SLC66A1: variants seen among roughly 807,000 people sequenced by gnomAD.
SLC66A1 encodes lysosomal amino acid transporter 1 homolog.
In SLC66A1, 23 loss-of-function variants were observed where a neutral mutation model predicts 33.0. The observed-to-expected ratio is 0.70, with a 90% CI of 0.50 to 0.99. The LOEUF (loss-of-function observed/expected upper bound fraction) is 0.99, where lower values mean the gene tolerates loss of function less well. Ranked by LOEUF, SLC66A1 falls within the 50% of genes least tolerant of loss-of-function variation. The probability of loss-of-function intolerance (pLI) is 0.00; values close to 1 mark genes in which losing one functional copy is unlikely to be tolerated. For synonymous variants in SLC66A1, 164 were observed against 175.5 expected, an observed-to-expected ratio of 0.93 and a Z score of 0.52; for missense variants, 335 against 383.6, an observed-to-expected ratio of 0.87 and a Z score of 1.06.
intron 1 of SLC66A1, among the ~76,000 whole-genome samples, chr1:19,316,240 GAGAAT>G (rs1264230148): frequency 6.6e-6 from 1 of 152,188 alleles, no homozygotes; most frequent in Non-Finnish European, 1.5e-5. Flanking sequence ...GAGCTCCTGG[GAGAAT>G]ACAGGCTGCA....
At chr1:19,327,525 A>ATCCATCCCTCCC in intron 7 of SLC66A1, 113 bp downstream of exon 7, 1 of 613,954 alleles carries the variant, frequency 1.6e-6, no homozygotes, top group Non-Finnish European at 2.5e-6. Context: ...CCGTCCATCC[A>ATCCATCCCTCCC]TCCATCCCTC....
chr1:19,326,802 A>G (rs1002777887), intron 6 of SLC66A1, among the ~76,000 whole-genome samples, 179 bp downstream of exon 6: 1 of 152,064 alleles, frequency 6.6e-6, no homozygotes, highest in Non-Finnish European at 1.5e-5. Context: ...TGCTTCTGGA[A>G]AATGGGCGTG....
At chr1:19,319,672 G>T (rs968730150) in intron 2 of SLC66A1, among the ~76,000 whole-genome samples, 1 of 147,596 alleles carries the variant, frequency 6.8e-6, no homozygotes, top group African/African-American at 2.6e-5. Context: ...GGAGGCTAAG[G>T]CGGGCAGATC....
chr1:19,330,629 G>A (rs181865087), downstream of SLC66A1, among the ~76,000 whole-genome samples: 1 of 152,320 alleles, frequency 6.6e-6, no homozygotes, highest in Admixed American at 6.5e-5. Context: ...GGCAGTTCAG[G>A]AAAAGGGAGG....
At chr1:19,317,929 T>C in intron 2 of SLC66A1, 88 bp downstream of exon 2, 1 of 1,536,334 alleles carries the variant, frequency 6.5e-7, no homozygotes, top group Non-Finnish European at 8.8e-7. Context: ...GGTTGTCTGG[T>C]GGGCCACGGG....
Position 19,324,676 on chromosome 1 carries a change from C to T in SLC66A1, c.208C>T (p.Leu70=). The T allele has an allele frequency of 6.2e-7, 1 of 1,614,226 alleles. No individual in the cohort carries two copies. Among genetic ancestry groups the T allele is most frequent in the Non-Finnish European group, 8.5e-7 (1 of 1,180,004 alleles). ...AYKTGNMDQA[L]SLWFLLGWIG... is the part of the protein sequence containing the mutation. Reference sequence around the variant, plus strand: ...CAAGACGGGCAACATGGACCAGGCGCTGTCCCTGTGGTTCCTCCTGGGCTG... The same window carrying T: ...CAAGACGGGCAACATGGACCAGGCGTTGTCCCTGTGGTTCCTCCTGGGCTG... Residue 70 remains leucine (L), a synonymous_variant, in exon 3 of 8, where the codon CTG becomes TTG. Coordinates refer to ENST00000375153, the MANE Select transcript of SLC66A1 (RefSeq NM_001040125.2).
Position 19,324,762 on chromosome 1 carries a change from G to T in SLC66A1, c.294G>T (p.Gln98His). 1 of 1,614,032 alleles carries T rather than the reference G, an allele frequency of 6.2e-7. No homozygotes were observed. The highest frequency in any genetic ancestry group is 1.1e-5 in the South Asian group (1 of 91,074). ...TCCTTGCTGACCAGCTGCCCCTGCA[G>T]GTGGGCCGGTACCCGGGCAAGGTGG... is the stretch of plus-strand genomic sequence containing the variant. ...GSFLADQLPL[Q>H]TYTAVYYVLA... is the part of the protein sequence containing the mutation. The change falls in exon 3 of 8, where the codon CAG becomes CAT. Residue 98 changes from glutamine to histidine, a missense_variant and splice_region_variant. Gln to His is a conservative substitution (Grantham distance 24). Transcript: ENST00000375153.
Sources: gnomAD v4.1 joint callset for allele counts (sites outside exome capture counted in the v4.1 genomes callset) on GRCh38, gnomAD v4.1.1 for gene constraint, MANE v1.5 for transcripts, NCBI Gene and HGNC (gene_info 2026-07-23, HGNC 2026-07-21) for gene names.